The following STRN3 variants were observed in gnomAD, a reference collection of about 807,000 sequenced individuals.
STRN3 encodes striatin-3.
A neutral mutation model predicts 95.6 loss-of-function variants in STRN3; 29 were observed. The ratio of observed to expected loss-of-function variants is 0.30; its 90% confidence interval spans 0.23 to 0.41. STRN3 has a LOEUF of 0.41. STRN3 is among the 10% of genes least tolerant of loss of function. STRN3 has a pLI of 1.00. For missense variants in STRN3, 890 were observed against 972.1 expected (o/e 0.92, Z 1.12); for synonymous variants, 331 against 357.6 (o/e 0.93, Z 0.84).
intron 16 of STRN3, among the ~76,000 whole-genome samples, chr14:30,898,174 G>A (rs182212112): frequency 1.4e-4 from 22 of 151,992 alleles, no homozygotes; most frequent in African/African-American, 3.4e-4. Context: ...ACAGAATCCC[G>A]TATTGTTGCC....
At chr14:31,004,628 C>T (rs1882631830) in intron 1 of STRN3, among the ~76,000 whole-genome samples, 1 of 152,026 alleles carries the variant, frequency 6.6e-6, no homozygotes, top group Non-Finnish European at 1.5e-5. Context: ...ACAAAATCAG[C>T]TGGGTATGGT....
chr14:30,924,407 C>G (rs1265771856), intron 8 of STRN3, among the ~76,000 whole-genome samples: 4 of 149,244 alleles, frequency 2.7e-5, no homozygotes, highest in African/African-American at 9.8e-5. Flanking sequence ...CCTGCCTCAG[C>G]CTCCCCAAGT....
chr14:31,021,225 G>GA, intron 1 of STRN3, among the ~76,000 whole-genome samples: 1 of 152,240 alleles, frequency 6.6e-6, no homozygotes, highest in East Asian at 1.9e-4. Flanking sequence ...AAACTAAACG[G>GA]AAGTTAGAAA....
intron 1 of STRN3, chr14:31,014,702 C>T (rs757734600): frequency 2.8e-5 from 13 of 457,614 alleles, no homozygotes; most frequent in South Asian, 2.0e-4. Flanking sequence ...TACCTTGGTT[C>T]CACTGAACAC....
intron 1 of STRN3, chr14:31,025,129 A>G (rs1275020729): frequency 6.6e-6 from 1 of 152,242 alleles, no homozygotes; most frequent in Non-Finnish European, 1.5e-5. Context: ...CGTTTCATAA[A>G]TACAGCATCG....
chr14:30,949,705 AG>A (rs1328716277), intron 4 of STRN3, among the ~76,000 whole-genome samples: 5 of 152,050 alleles, frequency 3.3e-5, no homozygotes, highest in African/African-American at 1.2e-4. Flanking sequence ...ATACATTTAC[AG>A]AAAGGAAAGT....
intron 10 of STRN3, among the ~76,000 whole-genome samples, chr14:30,912,910 T>C (rs556257008): frequency 1.3e-5 from 2 of 151,948 alleles, no homozygotes; most frequent in East Asian, 1.9e-4. Flanking sequence ...GAAAAAAAAA[T>C]TGCTGAAAAA....
At chr14:30,952,954 A>C (rs1879725445) in intron 3 of STRN3, among the ~76,000 whole-genome samples, 1 of 152,188 alleles carries the variant, frequency 6.6e-6, no homozygotes, top group Non-Finnish European at 1.5e-5. Flanking sequence ...TCTACCTGAA[A>C]ATATACATAA....
chr14:30,986,019 C>T (rs1415033435), intron 1 of STRN3, among the ~76,000 whole-genome samples: 2 of 152,048 alleles, frequency 1.3e-5, no homozygotes, highest in East Asian at 3.9e-4. Context: ...CAGCCTTAAC[C>T]ACAAGATGGG....
intron 12 of STRN3, among the ~76,000 whole-genome samples, chr14:30,911,528 C>G (rs1225890457): frequency 6.6e-6 from 1 of 152,014 alleles, no homozygotes; most frequent in Admixed American, 6.6e-5. Context: ...GTCTCGAACT[C>G]CTGACCTCAA....
chr14:30,931,371 T>C (rs1878529252), intron 7 of STRN3, among the ~76,000 whole-genome samples: 1 of 152,166 alleles, frequency 6.6e-6, no homozygotes, highest in Non-Finnish European at 1.5e-5. Flanking sequence ...CGTTGAATCA[T>C]TTACAGTAAC....
At chr14:30,994,974 C>G (rs1422000242) in intron 1 of STRN3, among the ~76,000 whole-genome samples, 1 of 152,150 alleles carries the variant, frequency 6.6e-6, no homozygotes, top group African/African-American at 2.4e-5. Flanking sequence ...AATTTTGACC[C>G]CAGGGTCAAG....
At chr14:30,929,954 C>CAAAAATAAAAAAAAAAAA (rs1878401669) in intron 7 of STRN3, among the ~76,000 whole-genome samples, 1 of 39,996 alleles carries the variant, frequency 2.5e-5, no homozygotes, top group Non-Finnish European at 4.5e-5. Context: ...CTAAGATTAG[C>CAAAAATAAAAAAAAAAAA]AAAAAAAAAA....
chr14:31,017,976 G>C (rs563805887), intron 1 of STRN3, among the ~76,000 whole-genome samples: 1 of 151,794 alleles, frequency 6.6e-6, no homozygotes, highest in Non-Finnish European at 1.5e-5. Context: ...TACTCAAGGG[G>C]CTGAGGCAGG....
chr14:30,951,965 A>G (rs1419102307), intron 3 of STRN3, among the ~76,000 whole-genome samples: 1 of 152,174 alleles, frequency 6.6e-6, no homozygotes, highest in Non-Finnish European at 1.5e-5. Flanking sequence ...CAAAAATACA[A>G]AAGTTAGCCA....
At chr14:30,945,309 T>A (rs1306569468) in intron 5 of STRN3, among the ~76,000 whole-genome samples, 2 of 152,076 alleles carry the variant, frequency 1.3e-5, no homozygotes, top group African/African-American at 4.8e-5. Context: ...CACATACCCA[T>A]CACCTATATA....
chr14:30,923,401 T>G (rs1896932442), intron 8 of STRN3, among the ~76,000 whole-genome samples: 1 of 152,104 alleles, frequency 6.6e-6, no homozygotes, highest in East Asian at 1.9e-4. Context: ...TTACAAGACT[T>G]CCCCCTTTTC....
At chr14:31,019,148 T>TA (rs1009379041) in intron 1 of STRN3, among the ~76,000 whole-genome samples, 48 of 149,080 alleles carry the variant, frequency 3.2e-4, no homozygotes, top group African/African-American at 9.1e-4. Context: ...CTGTCTCTAC[T>TA]AAAAAAAAAA....
chr14:30,903,409 T>G (rs1406041774), intron 15 of STRN3, among the ~76,000 whole-genome samples: 1 of 152,164 alleles, frequency 6.6e-6, no homozygotes, highest in East Asian at 1.9e-4. Flanking sequence ...AAAACAATTT[T>G]TTTTGTTTAA....
Sources: allele counts gnomAD v4.1 joint callset (sites outside exome capture counted in the v4.1 genomes callset), GRCh38; gene constraint gnomAD v4.1.1; transcripts MANE v1.5; gene names NCBI Gene and HGNC (gene_info 2026-07-23, HGNC 2026-07-21).